The following PALLD variants were observed in gnomAD, a reference collection of about 807,000 sequenced individuals.
The protein encoded by PALLD is palladin.
In PALLD, 61 loss-of-function variants were observed where a neutral mutation model predicts 123.5. The observed-to-expected ratio is 0.49, with a 90% CI of 0.40 to 0.61. The LOEUF is 0.61. PALLD is among the 20% of genes least tolerant of loss of function. The pLI, the probability that PALLD is intolerant of heterozygous loss-of-function variation, is 0.00. For synonymous variants in PALLD, 465 were observed against 496.4 expected (o/e 0.94, Z 0.84); for missense variants, 1,273 against 1,377.0 (o/e 0.92, Z 1.20).
intron 2 of PALLD, among the ~76,000 whole-genome samples, chr4:168,653,708 GTTTC>G (rs1037508750): frequency 5.3e-4 from 79 of 150,440 alleles, no homozygotes; most frequent in East Asian, 1.2e-3. Context: ...TTGTTTGTTT[GTTTC>G]TTTCTTTCTT....
At chr4:168,655,597 T>C (rs1451263796) in intron 2 of PALLD, among the ~76,000 whole-genome samples, 1 of 152,228 alleles carries the variant, frequency 6.6e-6, no homozygotes, top group African/African-American at 2.4e-5. Flanking sequence ...GGAGAACAGA[T>C]GAAAAATAAA....
chr4:168,553,420 T>C (rs903912203), intron 2 of PALLD, among the ~76,000 whole-genome samples: 5 of 152,214 alleles, frequency 3.3e-5, no homozygotes, highest in African/African-American at 1.2e-4. Flanking sequence ...AGTGCTACAA[T>C]TGAAAATTTT....
At chr4:168,526,991 T>A (rs1252344453) in intron 2 of PALLD, among the ~76,000 whole-genome samples, 1 of 152,138 alleles carries the variant, frequency 6.6e-6, no homozygotes, top group Non-Finnish European at 1.5e-5. Context: ...ATATCCCAAA[T>A]GGTTCCAGAT....
intron 8 of PALLD, among the ~76,000 whole-genome samples, chr4:168,702,886 A>G (rs1561419745): frequency 6.7e-6 from 1 of 148,642 alleles, no homozygotes; most frequent in Non-Finnish European, 1.5e-5. Context: ...TTATTTATTT[A>G]TTTATTTTAT....
intron 17 of PALLD, among the ~76,000 whole-genome samples, chr4:168,919,754 C>T (rs540458441): frequency 1.3e-5 from 2 of 152,238 alleles, no homozygotes; most frequent in South Asian, 4.2e-4. Flanking sequence ...ATAACTAATT[C>T]CACTCCCATA....
At chr4:168,597,318 G>A (rs1772092741) in intron 2 of PALLD, among the ~76,000 whole-genome samples, 1 of 152,000 alleles carries the variant, frequency 6.6e-6, no homozygotes, top group African/African-American at 2.4e-5. Flanking sequence ...CATAAATTCA[G>A]GGATGGATCC....
chr4:168,644,205 C>T (rs538208193), intron 2 of PALLD, among the ~76,000 whole-genome samples: 23 of 151,720 alleles, frequency 1.5e-4, no homozygotes, highest in Non-Finnish European at 3.1e-4. Flanking sequence ...TCTGTTGCCT[C>T]AGCCTCCCAT....
At chr4:168,781,893 T>C (rs1352174551) in intron 10 of PALLD, among the ~76,000 whole-genome samples, 1 of 152,168 alleles carries the variant, frequency 6.6e-6, no homozygotes, top group Non-Finnish European at 1.5e-5. Context: ...GCCTTATTGC[T>C]TGGGCATAGT....
At chr4:168,870,932 G>A (rs1194960867) in intron 10 of PALLD, among the ~76,000 whole-genome samples, 1 of 152,166 alleles carries the variant, frequency 6.6e-6, no homozygotes, top group Admixed American at 6.5e-5. Context: ...GGAACAGGGA[G>A]TTTTACATTG....
intron 10 of PALLD, among the ~76,000 whole-genome samples, chr4:168,871,200 G>A (rs1460730321): frequency 6.6e-6 from 1 of 152,100 alleles, no homozygotes; most frequent in Non-Finnish European, 1.5e-5. Flanking sequence ...AGCTATGATG[G>A]GACTGACACA....
chr4:168,670,607 C>T (rs925220027), intron 3 of PALLD, among the ~76,000 whole-genome samples: 2 of 150,970 alleles, frequency 1.3e-5, no homozygotes, highest in African/African-American at 2.4e-5. Flanking sequence ...GTGGCGGGCG[C>T]CTGTAGTCCC....
chr4:168,680,512 A>G (rs1781451521), intron 3 of PALLD, among the ~76,000 whole-genome samples: 1 of 118,186 alleles, frequency 8.5e-6, no homozygotes, highest in South Asian at 2.9e-4. Flanking sequence ...AAAAAAAAAC[A>G]CTTATCTGGA....
intron 2 of PALLD, among the ~76,000 whole-genome samples, chr4:168,636,472 G>A (rs1776356440): frequency 1.3e-5 from 2 of 152,170 alleles, no homozygotes. Context: ...CTGACAGAAT[G>A]AGACTCTGTC....
chr4:168,665,746 C>T (rs1779584790), intron 2 of PALLD, among the ~76,000 whole-genome samples: 1 of 152,148 alleles, frequency 6.6e-6, no homozygotes, highest in African/African-American at 2.4e-5. Context: ...CAAGATACTG[C>T]ACTTCTAACA....
At chr4:168,855,218 G>A (rs1235013592) in intron 10 of PALLD, among the ~76,000 whole-genome samples, 2 of 150,236 alleles carry the variant, frequency 1.3e-5, no homozygotes, top group Non-Finnish European at 2.9e-5. Context: ...AGCCTCCAAA[G>A]TAGCTGGGAT....
chr4:168,808,935 A>G (rs944873931), intron 10 of PALLD, among the ~76,000 whole-genome samples: 1 of 152,236 alleles, frequency 6.6e-6, no homozygotes, highest in Non-Finnish European at 1.5e-5. Context: ...CATATCAAGT[A>G]TATAAGCAGG....
At chr4:168,900,408 A>T (rs1756247077) in intron 14 of PALLD, among the ~76,000 whole-genome samples, 3 of 152,218 alleles carry the variant, frequency 2.0e-5, no homozygotes, top group African/African-American at 7.2e-5. Flanking sequence ...TTTAAAAAGA[A>T]TGGAAACTAT....
At chr4:168,922,748 C>T (rs1761831999) in intron 18 of PALLD, among the ~76,000 whole-genome samples, 1 of 152,184 alleles carries the variant, frequency 6.6e-6, no homozygotes, top group Non-Finnish European at 1.5e-5. Flanking sequence ...TTCTTACATG[C>T]TACAATTGAT....
chr4:168,739,744 G>T (rs1788143738), intron 10 of PALLD, among the ~76,000 whole-genome samples: 1 of 152,170 alleles, frequency 6.6e-6, no homozygotes, highest in African/African-American at 2.4e-5. Flanking sequence ...CCATGTTGTT[G>T]ATAATATAGA....
Sources: gnomAD v4.1 joint callset for allele counts (sites outside exome capture counted in the v4.1 genomes callset) on GRCh38, gnomAD v4.1.1 for gene constraint, MANE v1.5 for transcripts, NCBI Gene and HGNC (gene_info 2026-07-23, HGNC 2026-07-21) for gene names.